CDH13: variants seen among roughly 807,000 people sequenced by gnomAD.
CDH13 encodes cadherin 13.
In CDH13, 24 loss-of-function variants were observed where a neutral mutation model predicts 63.8. The observed-to-expected ratio is 0.38, with a 90% CI of 0.27 to 0.53. The LOEUF is 0.53. CDH13 is among the 20% of genes least tolerant of loss of function. The pLI is 0.85. For synonymous variants in CDH13, 503 were observed against 355.3 expected (o/e 1.42, Z -4.67); for missense variants, 1,049 against 903.1 (o/e 1.16, Z -2.07).
intron 10 of CDH13, among the ~76,000 whole-genome samples, chr16:83,716,487 CTTTT>C (rs565878687): frequency 6.6e-6 from 1 of 152,072 alleles, no homozygotes; most frequent in Admixed American, 6.6e-5. Flanking sequence ...CTCTTACTGG[CTTTT>C]TTTATGTCTT....
intron 2 of CDH13, among the ~76,000 whole-genome samples, chr16:82,980,914 T>A (rs571908119): frequency 6.6e-6 from 1 of 152,234 alleles, no homozygotes; most frequent in Non-Finnish European, 1.5e-5. Flanking sequence ...CCGTTGTTAA[T>A]TGAGTGTCTT....
At chr16:83,747,032 A>C (rs926150003) in intron 10 of CDH13, among the ~76,000 whole-genome samples, 3 of 152,210 alleles carry the variant, frequency 2.0e-5, no homozygotes, top group African/African-American at 7.2e-5. Context: ...TAGTTCCCTT[A>C]AAGAAACTGT....
chr16:83,608,738 G>A (rs1408669109), intron 8 of CDH13, among the ~76,000 whole-genome samples: 1 of 151,092 alleles, frequency 6.6e-6, no homozygotes, highest in African/African-American at 2.4e-5. Flanking sequence ...GAACTATTGG[G>A]CCCAAGCAAT....
intron 1 of CDH13, among the ~76,000 whole-genome samples, chr16:82,779,825 G>T (rs1190493157): frequency 6.6e-6 from 1 of 151,642 alleles, no homozygotes; most frequent in Admixed American, 6.6e-5. Context: ...GATGACTGAA[G>T]TAGAGGGAAA....
rs1246694770 is a variant in CDH13 at position 83,444,496 on chromosome 16, G to T, written c.782-41981G>T. Among the ~76,000 whole-genome samples, 3 of 152,106 alleles carry T rather than the reference G, an allele frequency of 2.0e-5. No individual in the cohort carries two copies. In the East Asian group the frequency reaches 5.8e-4, roughly 29 times the overall value. The stretch of plus-strand genomic sequence containing the variant: ...GATTTTTTAAAATCTTGACCCAGAG[G>T]TTGAGTAATGTGCTCAAGGGCACCC... On this transcript the variant is annotated intron_variant, in intron 6 of 13. Coordinates refer to ENST00000567109, the MANE Select transcript of CDH13 (RefSeq NM_001257.5).
At chr16:83,052,486 G>C (rs1324251306) in intron 3 of CDH13, among the ~76,000 whole-genome samples, 1 of 152,106 alleles carries the variant, frequency 6.6e-6, no homozygotes, top group Non-Finnish European at 1.5e-5. Context: ...GGAACTTTCA[G>C]AAATAAAACC....
chr16:83,321,236 G>C (rs559025276), intron 5 of CDH13, among the ~76,000 whole-genome samples: 5 of 152,146 alleles, frequency 3.3e-5, no homozygotes, highest in African/African-American at 4.8e-5. Flanking sequence ...AGGTCAGATG[G>C]CCTGGAATTA....
At chr16:83,562,860 G>A (rs1349314386) in intron 7 of CDH13, among the ~76,000 whole-genome samples, 1 of 152,202 alleles carries the variant, frequency 6.6e-6, no homozygotes, top group African/African-American at 2.4e-5. Context: ...CTATTCTACT[G>A]TTACTATAAA....
intron 2 of CDH13, among the ~76,000 whole-genome samples, chr16:82,890,158 C>T (rs1597149691): frequency 2.6e-5 from 4 of 152,314 alleles, no homozygotes; most frequent in South Asian, 2.1e-4. Flanking sequence ...CTAGAGATTC[C>T]TTCCTGGAAT....
intron 8 of CDH13, among the ~76,000 whole-genome samples, chr16:83,649,346 C>G (rs910646560): frequency 6.6e-6 from 1 of 152,292 alleles, no homozygotes; most frequent in Middle Eastern, 3.4e-3. Context: ...TTTTTGTGCT[C>G]CCTACCTTCA....
At chr16:83,133,309 A>G (rs2036139404) in intron 4 of CDH13, among the ~76,000 whole-genome samples, 1 of 152,258 alleles carries the variant, frequency 6.6e-6, no homozygotes, top group South Asian at 2.1e-4. Context: ...TCACACGAAC[A>G]CAAAAAGAAT....
intron 6 of CDH13, among the ~76,000 whole-genome samples, chr16:83,477,623 G>A (rs1179817795): frequency 6.6e-6 from 1 of 152,140 alleles, no homozygotes; most frequent in Non-Finnish European, 1.5e-5. Flanking sequence ...GTTCCAAACA[G>A]GGAGGTGGGA....
chr16:83,461,116 G>C (rs187381371), intron 6 of CDH13, among the ~76,000 whole-genome samples: 28 of 152,142 alleles, frequency 1.8e-4, no homozygotes, highest in Admixed American at 7.2e-4. Flanking sequence ...ATCGTAATGT[G>C]ATATTTCTTA....
intron 6 of CDH13, among the ~76,000 whole-genome samples, chr16:83,474,727 G>T (rs2073557307): frequency 6.6e-6 from 1 of 152,198 alleles, no homozygotes; most frequent in Admixed American, 6.5e-5. Flanking sequence ...GGAGCCCGAG[G>T]AATAAACTGT....
At chr16:83,628,639 T>C (rs769916431) in intron 8 of CDH13, among the ~76,000 whole-genome samples, 22 of 152,192 alleles carry the variant, frequency 1.4e-4, no homozygotes, top group Admixed American at 6.5e-5. Flanking sequence ...TTTGCACATT[T>C]GCAGGCTGGA....
intron 1 of CDH13, among the ~76,000 whole-genome samples, chr16:82,702,698 A>T (rs1237114098): frequency 6.6e-6 from 1 of 152,208 alleles, no homozygotes; most frequent in Non-Finnish European, 1.5e-5. Flanking sequence ...ATGTGTAAGC[A>T]TTGCAGAAAA....
intron 3 of CDH13, among the ~76,000 whole-genome samples, chr16:83,036,270 C>G (rs2151480970): frequency 6.6e-6 from 1 of 151,570 alleles, no homozygotes; most frequent in African/African-American, 2.4e-5. Flanking sequence ...CTGCCTCAGC[C>G]TTCTGAGTGG....
intron 1 of CDH13, among the ~76,000 whole-genome samples, chr16:82,751,625 C>G (rs1332269773): frequency 6.6e-6 from 1 of 151,666 alleles, no homozygotes; most frequent in Non-Finnish European, 1.5e-5. Context: ...TCATATATTC[C>G]ATGCCTGAGA....
chr16:83,794,977 T>A (rs753319920), intron 13 of CDH13, 46 bp from the exon 14 acceptor site: 1 of 1,564,682 alleles, frequency 6.4e-7, no homozygotes, highest in South Asian at 1.2e-5. Context: ...ATGTTTTGAA[T>A]TGAGTGGTGA....
Sources: gnomAD v4.1 joint callset for allele counts (sites outside exome capture counted in the v4.1 genomes callset) on GRCh38, gnomAD v4.1.1 for gene constraint, MANE v1.5 for transcripts, NCBI Gene and HGNC (gene_info 2026-07-23, HGNC 2026-07-21) for gene names.